SFMBT2: variants seen among roughly 807,000 people sequenced by gnomAD.
SFMBT2 encodes the protein scm-like with four MBT domains protein 2.
A neutral mutation model predicts 110.1 loss-of-function variants in SFMBT2; 38 were observed. The ratio of observed to expected loss-of-function variants is 0.35; its 90% CI spans 0.27 to 0.45. SFMBT2 has a LOEUF of 0.45. SFMBT2 is among the 20% of genes least tolerant of loss of function. SFMBT2 has a pLI of 1.00. For synonymous variants in SFMBT2, 425 were observed against 425.4 expected, an observed-to-expected ratio of 1.00 and a Z score of 0.01; for missense variants, 1,011 against 1,094.9, an observed-to-expected ratio of 0.92 and a Z score of 1.08.
intron 4 of SFMBT2, among the ~76,000 whole-genome samples, chr10:7,354,835 A>G (rs1844447821): frequency 6.6e-6 from 1 of 152,254 alleles, no homozygotes; most frequent in African/African-American, 2.4e-5. Context: ...TAGAGCACAG[A>G]AGACAGAAAG....
intron 7 of SFMBT2, among the ~76,000 whole-genome samples, chr10:7,268,604 G>A (rs898291210): frequency 3.3e-5 from 5 of 151,850 alleles, no homozygotes; most frequent in Admixed American, 3.3e-4. Flanking sequence ...TCCACCTCTT[G>A]GGTTCAAGTG....
intron 4 of SFMBT2, chr10:7,348,236 G>A (rs1241554525): frequency 8.9e-6 from 13 of 1,459,134 alleles, no homozygotes; most frequent in Admixed American, 2.4e-5. Context: ...GTGGGATCGG[G>A]GAGTTGTTTC....
At position 7,163,719 on chromosome 10, in the gene SFMBT2, CT is replaced by C; in HGVS notation, c.*50del. 6.5e-7 allele frequency: 1 copy of C among 1,548,314 alleles called. No individual in the cohort carries two copies. On this transcript the variant is annotated 3_prime_UTR_variant, in exon 21 of 21. Coordinates refer to ENST00000397167, the MANE Select transcript of SFMBT2 (RefSeq NM_001387889.1). The surrounding 1 kb of genome is among the most constrained non-coding windows in gnomAD (Gnocchi z 4.8). ...AAATCAAAGTTTCAGTCCTGGAAAC[CT>C]TTACCAACACCGCATCCCAGCAATA... is the stretch of plus-strand genomic sequence containing the variant.
intron 7 of SFMBT2, among the ~76,000 whole-genome samples, chr10:7,254,155 C>T (rs1840914711): frequency 6.6e-6 from 1 of 152,058 alleles, no homozygotes; most frequent in Admixed American, 6.6e-5. Context: ...CGTGGCTCAC[C>T]CAAGAAAGGC....
chr10:7,315,308 G>A (rs1353332838), intron 4 of SFMBT2, among the ~76,000 whole-genome samples: 1 of 152,206 alleles, frequency 6.6e-6, no homozygotes, highest in African/African-American at 2.4e-5. Flanking sequence ...CAGATGCTAT[G>A]GGTGGGCCAC....
intron 12 of SFMBT2, chr10:7,205,390 C>T: frequency 1.0e-6 from 1 of 984,588 alleles, no homozygotes; most frequent in Non-Finnish European, 1.2e-6. Context: ...TGTGCCTAGC[C>T]TGGTTAAGTG....
chr10:7,324,541 T>C (rs1350103885), intron 4 of SFMBT2, among the ~76,000 whole-genome samples: 1 of 152,186 alleles, frequency 6.6e-6, no homozygotes, highest in Non-Finnish European at 1.5e-5. Context: ...TTACTCCTCA[T>C]AGTCAGAGTT....
chr10:7,310,978 C>G (rs1299192834), intron 4 of SFMBT2, among the ~76,000 whole-genome samples: 1 of 143,810 alleles, frequency 7.0e-6, no homozygotes, highest in Admixed American at 7.2e-5. Flanking sequence ...ACCCGGGAGG[C>G]AGAGGTTGCA....
chr10:7,216,319 T>C (rs1385847266), intron 11 of SFMBT2, among the ~76,000 whole-genome samples: 1 of 152,176 alleles, frequency 6.6e-6, no homozygotes, highest in African/African-American at 2.4e-5. Flanking sequence ...AACTGAATCA[T>C]GGGGGGCAGC....
intron 1 of SFMBT2, 134 bp from the exon 2 acceptor site, chr10:7,382,083 ATGT>A: frequency 2.1e-6 from 1 of 485,124 alleles, no homozygotes; most frequent in Admixed American, 3.6e-5. Flanking sequence ...ATGCAACATA[ATGT>A]TGTAATAGAA....
At position 7,358,754 on chromosome 10, in the gene SFMBT2, A is replaced by AGCATGGCCCTAGAACATCT. The variant is rs1294182136; in HGVS notation, c.436+8876_436+8894dup. Among the ~76,000 whole-genome samples, 16 of 148,908 alleles carry AGCATGGCCCTAGAACATCT rather than the reference A, an allele frequency of 1.1e-4. 1 individual carries two copies. The East Asian group carries it at 3.2e-3, about 30-fold the overall frequency. ...AACATCTGCATGGCCCTGAGACATCAGCATGGCCCTAGAACATCTGCATGG... is the reference window on the plus strand; with the variant it reads ...AACATCTGCATGGCCCTGAGACATCAGCATGGCCCTAGAACATCTGCATGGCCCTAGAACATCTGCATGG... On this transcript the variant is annotated intron_variant, in intron 4 of 20. Transcript: ENST00000397167.
intron 7 of SFMBT2, among the ~76,000 whole-genome samples, chr10:7,270,143 G>A (rs746842963): frequency 2.0e-5 from 3 of 152,148 alleles, no homozygotes; most frequent in Non-Finnish European, 4.4e-5. Flanking sequence ...CGGTTGTCTT[G>A]TAAGCAGAGA....
intron 17 of SFMBT2, among the ~76,000 whole-genome samples, chr10:7,173,753 C>T (rs1323039971): frequency 6.6e-6 from 1 of 152,190 alleles, no homozygotes; most frequent in African/African-American, 2.4e-5. Context: ...CCATGAGCCA[C>T]AAAATAACTG....
intron 4 of SFMBT2, among the ~76,000 whole-genome samples, chr10:7,309,969 C>T (rs558239945): frequency 2.0e-5 from 3 of 152,282 alleles, no homozygotes; most frequent in Admixed American, 2.0e-4. Flanking sequence ...GACCACATCA[C>T]TCTGTGTTGT....
intron 16 of SFMBT2, among the ~76,000 whole-genome samples, chr10:7,178,872 T>C (rs59678170): frequency 0.32 from 48,374 of 152,098 alleles, 8,107 homozygotes; most frequent in South Asian, 0.48. Flanking sequence ...TTTTTAACCC[T>C]ATCATGGGGA....
At position 7,212,194 on chromosome 10, in the gene SFMBT2, T is replaced by C. The variant is rs569610026; in HGVS notation, c.1331-6266A>G. On this transcript the variant is annotated intron_variant, in intron 11 of 20. Transcript: ENST00000397167. Reference sequence around the variant, plus strand: ...TGCTGGAACTCAAGTCAGTCAGTCATAGAGACAAACCAGTCAAGGAGTTTC... The same window carrying C: ...TGCTGGAACTCAAGTCAGTCAGTCACAGAGACAAACCAGTCAAGGAGTTTC... Among the ~76,000 whole-genome samples the C allele has an allele frequency of 5.3e-5, 8 of 152,322 alleles. No individual in the cohort carries two copies. In the South Asian group the frequency reaches 1.4e-3, roughly 28 times the overall value.
chr10:7,325,348 T>C (rs976541539), intron 4 of SFMBT2, among the ~76,000 whole-genome samples: 3 of 152,144 alleles, frequency 2.0e-5, no homozygotes, highest in East Asian at 1.9e-4. Flanking sequence ...GTTCAGGCCA[T>C]AACCAATATT....
chr10:7,389,582 TTGGAC>T (rs372916626), intron 1 of SFMBT2, among the ~76,000 whole-genome samples: 4 of 152,346 alleles, frequency 2.6e-5, no homozygotes, highest in African/African-American at 9.6e-5. Context: ...TTTGTCTCTG[TTGGAC>T]AACAGAATTC....
chr10:7,188,436 A>G (rs1275644949), intron 16 of SFMBT2, among the ~76,000 whole-genome samples, 188 bp downstream of exon 16: 4 of 152,230 alleles, frequency 2.6e-5, no homozygotes. Context: ...TAGGAATCCT[A>G]AGGCTTAAGG....
Sources: gnomAD v4.1 joint callset for allele counts (sites outside exome capture counted in the v4.1 genomes callset) on GRCh38, gnomAD v4.1.1 for gene constraint, Gnocchi (gnomAD v3.1) non-coding constraint, MANE v1.5 for transcripts, NCBI Gene and HGNC (gene_info 2026-07-23, HGNC 2026-07-21) for gene names.